CABP1: variants seen among roughly 807,000 people sequenced by gnomAD.
The protein encoded by CABP1 is calcium binding protein 1.
In CABP1, 17 loss-of-function variants were observed where a neutral mutation model predicts 34.3. That is an observed-to-expected ratio of 0.50 (90% CI 0.34 to 0.74). CABP1 has a LOEUF of 0.74. Among genes scored for constraint, CABP1 ranks in the 30% least tolerant of loss-of-function variants. The pLI is 0.01. For missense variants in CABP1, 373 were observed against 511.1 expected (o/e 0.73, Z 2.61); for synonymous variants, 198 against 229.2 (o/e 0.86, Z 1.23).
intron 1 of CABP1, among the ~76,000 whole-genome samples, chr12:120,648,983 T>A (rs1879679175): frequency 6.6e-6 from 1 of 152,006 alleles, no homozygotes; most frequent in Non-Finnish European, 1.5e-5. Context: ...CCTGCTTCCT[T>A]CATGCTGTTT....
Position 120,641,691 on chromosome 12 carries a change from T to G in CABP1, c.654+352T>G. On this transcript the variant is annotated intron_variant, in intron 1 of 5. Coordinates refer to ENST00000316803, the MANE Select transcript of CABP1 (RefSeq NM_001033677.2). The surrounding 1 kb of genome is among the most constrained non-coding windows in gnomAD (Gnocchi z 6.7). ...TCCGAGCAGGTGGCGCCAAACCCAC[T>G]CCTCTGGCCTCTGGCCAGTACCGCC... The G allele has an allele frequency of 9.7e-6, 2 of 205,404 alleles. No homozygotes were observed. Among genetic ancestry groups the G allele is most frequent in the Non-Finnish European group, 9.7e-6 (1 of 103,014 alleles). The allele number at this position is 205,404 out of a possible 1,614,324, so 12.7% of individuals were successfully genotyped here.
At chr12:120,666,844 T>C in intron 5 of CABP1, 31 bp from the exon 6 acceptor site, 1 of 1,596,184 alleles carries the variant, frequency 6.3e-7, no homozygotes, top group Non-Finnish European at 8.5e-7. Context: ...TGGCTGCTGC[T>C]TGCTCCCCAG....
At chr12:120,643,008 A>AAAAAAAAAAT (rs1879408226) in intron 1 of CABP1, among the ~76,000 whole-genome samples, 2 of 151,514 alleles carry the variant, frequency 1.3e-5, no homozygotes, top group Admixed American at 6.6e-5. Context: ...AAAAAAAAAA[A>AAAAAAAAAAT]AAAAGAGTCC....
chr12:120,668,211 C>G (rs545740531), downstream of CABP1, among the ~76,000 whole-genome samples: 1 of 152,306 alleles, frequency 6.6e-6, no homozygotes, highest in African/African-American at 2.4e-5. Flanking sequence ...ACACAGCTGC[C>G]ACTGGCTGCG....
chr12:120,647,384 G>T (rs990898084), intron 1 of CABP1, among the ~76,000 whole-genome samples: 1 of 105,836 alleles, frequency 9.4e-6, no homozygotes, highest in Non-Finnish European at 2.0e-5. Context: ...CAGCAGACAA[G>T]ATTTTTTTTT....
chr12:120,664,976 A>G (rs542499014), intron 5 of CABP1, among the ~76,000 whole-genome samples: 24 of 152,020 alleles, frequency 1.6e-4, no homozygotes, highest in Non-Finnish European at 3.4e-4. Flanking sequence ...TGAAAAGCCA[A>G]TCTGAAAACA....
intron 1 of CABP1, among the ~76,000 whole-genome samples, chr12:120,649,066 T>C (rs1239792346): frequency 6.6e-6 from 1 of 151,664 alleles, no homozygotes; most frequent in Non-Finnish European, 1.5e-5. Context: ...CTCCTCCTCC[T>C]CCATCTCCCC....
In CABP1 at chr12:120,641,126, G is replaced by A; in HGVS notation, c.441G>A (p.Glu147=). The change falls in exon 1 of 6, where the codon GAG becomes GAA. Residue 147 remains glutamate, a synonymous_variant. Coordinates refer to ENST00000316803, the MANE Select transcript of CABP1 (RefSeq NM_001033677.2). The surrounding 1 kb of genome is among the most constrained non-coding windows in gnomAD (Gnocchi z 6.7). ...VLPQAHCRPR[E]ALPAAASRPS... ...CCCAGGCGCACTGCAGGCCCCGGGA[G>A]GCGCTGCCGGCCGCGGCGTCCCGAC... is the stretch of plus-strand genomic sequence containing the variant. 1.6e-6 allele frequency: 2 copies of A among 1,229,366 alleles called. No homozygotes were observed. The highest frequency in any genetic ancestry group is 3.8e-5 in the South Asian group (1 of 26,506). The allele number at this position is 1,229,366 out of a possible 1,614,324, so 76.2% of individuals were successfully genotyped here. A position where few individuals can be genotyped will look rare whatever the true frequency, so the allele number is the denominator to read the frequency against.
chr12:120,671,181 G>A (rs770521530), downstream of CABP1, among the ~76,000 whole-genome samples: 8 of 151,960 alleles, frequency 5.3e-5, no homozygotes, highest in African/African-American at 7.3e-5. Flanking sequence ...CAAGGCTGGC[G>A]GATCACTTGA....
At position 120,640,846 on chromosome 12, in the gene CABP1, G is replaced by A. The variant is rs1358659912; in HGVS notation, c.161G>A (p.Gly54Asp). The change falls in exon 1 of 6, where the codon GGC (glycine) becomes GAC (aspartate). Residue 54 changes from glycine (G) to aspartate (D), a missense_variant. Physicochemically the swap from Gly to Asp is moderately conservative, Grantham distance 94. Transcript: ENST00000316803. The surrounding 1 kb of genome is among the most constrained non-coding windows in gnomAD (Gnocchi z 6.2). ...APPPPGHASA[G>D]PAAMSSHIAK... is the part of the protein sequence containing the mutation. The stretch of plus-strand genomic sequence containing the variant: ...CCCCCGCCGGGCCATGCGAGCGCGG[G>A]CCCCGCCGCGATGAGCTCGCACATC... 2 of 1,072,144 alleles carry A rather than the reference G, an allele frequency of 1.9e-6. No homozygotes were observed. Among genetic ancestry groups the A allele is most frequent in the East Asian group, 6.6e-5 (1 of 15,136 alleles). The allele number at this position is 1,072,144 out of a possible 1,614,324, so 66.4% of individuals were successfully genotyped here.
intron 1 of CABP1, chr12:120,650,322 C>A (rs773603959): frequency 1.6e-4 from 73 of 460,188 alleles, no homozygotes; most frequent in Non-Finnish European, 2.4e-4. Flanking sequence ...CCTCTGCCAT[C>A]AGCTCTCCAG....
chr12:120,663,282 T>G (rs1880769908), intron 5 of CABP1, among the ~76,000 whole-genome samples: 1 of 152,076 alleles, frequency 6.6e-6, no homozygotes, highest in East Asian at 1.9e-4. Flanking sequence ...ATTTATTTAT[T>G]TATTTATTTT....
downstream of CABP1, among the ~76,000 whole-genome samples, chr12:120,671,874 T>C (rs1881260982): frequency 6.6e-6 from 1 of 151,990 alleles, no homozygotes; most frequent in South Asian, 2.1e-4. Context: ...CAAGACCAGG[T>C]TGGGCAACAT....
Position 120,641,424 on chromosome 12 carries a change from C to T in CABP1, c.654+85C>T. 1 of 1,223,144 alleles carries T rather than the reference C, an allele frequency of 8.2e-7. No individual in the cohort carries two copies. The highest frequency in any genetic ancestry group is 1.6e-5 in the African/African-American group (1 of 64,080). 75.8% of individuals were successfully genotyped at this position (1,223,144 alleles called of 1,614,324 possible). On this transcript the variant is annotated intron_variant, in intron 1 of 5. Transcript: ENST00000316803. This position sits in a 1 kb window ranked among gnomAD's most constrained non-coding sequence, Gnocchi z 6.7. Reference sequence around the variant, plus strand: ...CGGTTGCGCGTCCACAGCCTCCTCCCGCGGCCCGTGGTCCCCCACGGATCA... The same window carrying T: ...CGGTTGCGCGTCCACAGCCTCCTCCTGCGGCCCGTGGTCCCCCACGGATCA...
intron 1 of CABP1, among the ~76,000 whole-genome samples, chr12:120,654,981 G>A (rs1221527648): frequency 6.6e-6 from 1 of 152,208 alleles, no homozygotes; most frequent in East Asian, 1.9e-4. Flanking sequence ...GGGAGGAAAA[G>A]GAGAACTGGT....
At chr12:120,658,584 T>C (rs1880408434) in intron 1 of CABP1, among the ~76,000 whole-genome samples, 1 of 152,206 alleles carries the variant, frequency 6.6e-6, no homozygotes, top group Non-Finnish European at 1.5e-5. Context: ...TGCACCTGGT[T>C]GTCCCATGAG....
chr12:120,653,587 G>A (rs1879985149), intron 1 of CABP1, among the ~76,000 whole-genome samples: 1 of 152,152 alleles, frequency 6.6e-6, no homozygotes, highest in Non-Finnish European at 1.5e-5. Flanking sequence ...CCAAGCTGGA[G>A]TGCAGTGGCG....
At chr12:120,645,184 G>A (rs892129836) in intron 1 of CABP1, among the ~76,000 whole-genome samples, 1 of 152,196 alleles carries the variant, frequency 6.6e-6, no homozygotes, top group Non-Finnish European at 1.5e-5. Context: ...AGGTTCCTAA[G>A]ATAGGGCTGT....
chr12:120,671,892 C>A (rs1015321385), downstream of CABP1, among the ~76,000 whole-genome samples: 4 of 151,970 alleles, frequency 2.6e-5, no homozygotes, highest in Non-Finnish European at 5.9e-5. Context: ...CATAGTGAGA[C>A]CTCATCTCCA....
Sources: allele counts gnomAD v4.1 joint callset (sites outside exome capture counted in the v4.1 genomes callset), GRCh38; gene constraint gnomAD v4.1.1; non-coding constraint Gnocchi (gnomAD v3.1); transcripts MANE v1.5; gene names NCBI Gene and HGNC (gene_info 2026-07-23, HGNC 2026-07-21).